The following SATB2 variants were observed in gnomAD, a reference collection of about 807,000 sequenced individuals.
The protein encoded by SATB2 is DNA-binding protein SATB2.
In SATB2, 1 loss-of-function variant was observed where a neutral mutation model predicts 73.4. The ratio of observed to expected loss-of-function variants is 0.01; its 90% confidence interval spans 0.00 to 0.06. SATB2 has a LOEUF of 0.06. SATB2 is among the 10% of genes least tolerant of loss of function. SATB2 has a pLI of 1.00. For missense variants in SATB2, 459 were observed against 945.8 expected, an observed-to-expected ratio of 0.49 and a Z score of 6.75; for synonymous variants, 397 against 367.0, an observed-to-expected ratio of 1.08 and a Z score of -0.93.
intron 9 of SATB2, among the ~76,000 whole-genome samples, chr2:199,315,426 A>C (rs1367584551): frequency 1.3e-5 from 2 of 152,046 alleles, no homozygotes; most frequent in Non-Finnish European, 2.9e-5. Context: ...TCAAGCTTGG[A>C]GCCTAACAGA....
chr2:199,395,616 A>G (rs1332431789), intron 3 of SATB2, among the ~76,000 whole-genome samples: 1 of 152,210 alleles, frequency 6.6e-6, no homozygotes, highest in East Asian at 1.9e-4. Context: ...TGATGTTCTA[A>G]GAACTGTAAG....
At chr2:199,343,917 T>C (rs971179284) in intron 7 of SATB2, among the ~76,000 whole-genome samples, 3 of 152,148 alleles carry the variant, frequency 2.0e-5, no homozygotes, top group African/African-American at 7.2e-5. Context: ...ACTTGAAAGA[T>C]GGCAACGCCA....
chr2:199,442,389 C>A (rs1489149726), intron 2 of SATB2, among the ~76,000 whole-genome samples: 1 of 152,178 alleles, frequency 6.6e-6, no homozygotes, highest in African/African-American at 2.4e-5. Flanking sequence ...TCACCACGGG[C>A]ATCGCATGGA....
intron 10 of SATB2, among the ~76,000 whole-genome samples, chr2:199,280,331 A>G (rs1692449113): frequency 6.6e-6 from 1 of 152,064 alleles, no homozygotes; most frequent in Non-Finnish European, 1.5e-5. Context: ...CCCTGTGATG[A>G]TTGTGTTAAC....
intron 3 of SATB2, among the ~76,000 whole-genome samples, chr2:199,419,327 C>T (rs1691094870): frequency 1.3e-5 from 2 of 152,222 alleles, no homozygotes; most frequent in Admixed American, 1.3e-4. Flanking sequence ...GAAGTCAACA[C>T]ATATCTTCCA....
intron 10 of SATB2, among the ~76,000 whole-genome samples, chr2:199,278,986 G>A (rs943840600): frequency 1.3e-5 from 2 of 152,190 alleles, no homozygotes; most frequent in Admixed American, 1.3e-4. Context: ...TTAATAAGAA[G>A]TCCTATTTCC....
intron 3 of SATB2, among the ~76,000 whole-genome samples, chr2:199,404,221 A>G (rs1416586904): frequency 6.6e-6 from 1 of 152,222 alleles, no homozygotes; most frequent in African/African-American, 2.4e-5. Context: ...GGCCTTTCAC[A>G]TGAAAGCAGC....
rs199984701 is a variant in SATB2, at chr2:199,328,680, G to C, written c.1386+18C>G. 6.2e-7 allele frequency: 1 copy of C among 1,603,788 alleles called. No individual in the cohort carries two copies. The highest frequency in any genetic ancestry group is 8.5e-7 in the Non-Finnish European group (1 of 1,172,312). Reference sequence around the variant, plus strand: ...TTCCAAGACAAAGAGTGAAAAATACGGAAAGCAAGTTTCTCACCTGAGGGG... The same window carrying C: ...TTCCAAGACAAAGAGTGAAAAATACCGAAAGCAAGTTTCTCACCTGAGGGG... On this transcript the variant is annotated intron_variant, in intron 8 of 10. Coordinates refer to ENST00000417098, the MANE Select transcript of SATB2 (RefSeq NM_001172509.2).
At position 199,381,719 on chromosome 2, in the gene SATB2, C is replaced by T; in HGVS notation, c.448G>A (p.Val150Met). The T allele has an allele frequency of 6.2e-7, 1 of 1,614,122 alleles. No homozygotes were observed. The highest frequency in any genetic ancestry group is 8.5e-7 in the Non-Finnish European group (1 of 1,179,976). The change falls in exon 4 of 11, where the codon GTG becomes ATG. Residue 150 changes from valine to methionine, a missense_variant. Physicochemically the swap from Val to Met is conservative, Grantham distance 21 (BLOSUM62 1). Transcript: ENST00000417098. ...ADMLQDVYHV[V>M]TLKIQLQSCS... Reference sequence around the variant, plus strand: ...CTTTGTAATTGGATTTTCAACGTCACAACATGATAGACATCTTGTAGCATG... The same window carrying T: ...CTTTGTAATTGGATTTTCAACGTCATAACATGATAGACATCTTGTAGCATG...
At chr2:199,281,284 GTA>G (rs144818728) in intron 10 of SATB2, among the ~76,000 whole-genome samples, 14 of 148,794 alleles carry the variant, frequency 9.4e-5, no homozygotes, top group African/African-American at 3.0e-4. Flanking sequence ...GTGTGTGTGT[GTA>G]TATATACATA....
At chr2:199,305,498 A>C (rs564032335) in intron 10 of SATB2, among the ~76,000 whole-genome samples, 1 of 152,278 alleles carries the variant, frequency 6.6e-6, no homozygotes, top group African/African-American at 2.4e-5. Flanking sequence ...TGAACTTAAA[A>C]GTTAAAAAAC....
chr2:199,302,675 T>A (rs1332240404), intron 10 of SATB2, among the ~76,000 whole-genome samples: 1 of 152,128 alleles, frequency 6.6e-6, no homozygotes, highest in East Asian at 1.9e-4. Flanking sequence ...GAAAGAAAAA[T>A]TCTAGTAACC....
chr2:199,382,913 G>A (rs560792750), intron 3 of SATB2, among the ~76,000 whole-genome samples: 4 of 152,242 alleles, frequency 2.6e-5, no homozygotes, highest in African/African-American at 7.2e-5. Flanking sequence ...TCATCAAAGA[G>A]AGAAAACACC....
At chr2:199,462,853 C>T (rs1692508125), upstream of SATB2, among the ~76,000 whole-genome samples, 1 of 150,880 alleles carries the variant, frequency 6.6e-6, no homozygotes, top group Admixed American at 6.6e-5. The surrounding 1 kb of genome is among the most constrained non-coding windows in gnomAD (Gnocchi z 5.9). Context: ...CCCAGAGGCC[C>T]GAGGGTCTGG....
At chr2:199,297,335 T>C (rs1687140511) in intron 10 of SATB2, among the ~76,000 whole-genome samples, 1 of 152,200 alleles carries the variant, frequency 6.6e-6, no homozygotes, top group African/African-American at 2.4e-5. Flanking sequence ...ACAATGACAC[T>C]AGTGTATGTA....
chr2:199,359,050 A>T (rs1202809877), intron 6 of SATB2, among the ~76,000 whole-genome samples: 1 of 152,182 alleles, frequency 6.6e-6, no homozygotes, highest in African/African-American at 2.4e-5. Flanking sequence ...AGGTGAATTC[A>T]GCACATGATA....
chr2:199,446,078 CTTAATA>C (rs1012157674), intron 2 of SATB2, among the ~76,000 whole-genome samples: 40 of 152,216 alleles, frequency 2.6e-4, no homozygotes, highest in African/African-American at 9.1e-4. Flanking sequence ...CACGTAATGA[CTTAATA>C]TTAAGATTCC....
chr2:199,456,457 C>T (rs1180004624), intron 1 of SATB2, among the ~76,000 whole-genome samples: 1 of 152,210 alleles, frequency 6.6e-6, no homozygotes, highest in African/African-American at 2.4e-5. Context: ...GTCAGGGTTG[C>T]GGAATAAGTG....
chr2:199,379,313 C>T (rs1379764905), intron 5 of SATB2, among the ~76,000 whole-genome samples: 1 of 152,154 alleles, frequency 6.6e-6, no homozygotes, highest in African/African-American at 2.4e-5. Flanking sequence ...TATCACTTTT[C>T]CTCATGATGC....
Sources: gnomAD v4.1 joint callset for allele counts (sites outside exome capture counted in the v4.1 genomes callset) on GRCh38, gnomAD v4.1.1 for gene constraint, Gnocchi (gnomAD v3.1) non-coding constraint, MANE v1.5 for transcripts, NCBI Gene and HGNC (gene_info 2026-07-23, HGNC 2026-07-21) for gene names.